DYNC2H1: variants seen among roughly 807,000 people sequenced by gnomAD.
The protein encoded by DYNC2H1 is dynein cytoplasmic 2 heavy chain 1.
A neutral mutation model predicts 570.0 loss-of-function variants in DYNC2H1; 410 were observed. The observed-to-expected ratio is 0.72, with a 90% confidence interval of 0.66 to 0.78. DYNC2H1 has a LOEUF of 0.78. DYNC2H1 is among the 30% of genes least tolerant of loss of function. The pLI, the probability that DYNC2H1 is intolerant of heterozygous loss-of-function variation, is 0.00. For missense variants in DYNC2H1, 4,865 were observed against 5,046.4 expected, an observed-to-expected ratio of 0.96 and a Z score of 1.09; for synonymous variants, 1,688 against 1,677.6, an observed-to-expected ratio of 1.01 and a Z score of -0.15.
chr11:103,187,736 C>T (rs150519531), intron 43 of DYNC2H1, 150 bp downstream of exon 43: 6 of 1,015,746 alleles, frequency 5.9e-6, no homozygotes, highest in Admixed American at 2.9e-5. Context: ...CAGTCTTGTT[C>T]CAGTTCTTCT....
At chr11:103,287,100 C>T (rs370812552) in intron 74 of DYNC2H1, among the ~76,000 whole-genome samples, 88 of 152,192 alleles carry the variant, frequency 5.8e-4, no homozygotes, top group African/African-American at 2.0e-3. Context: ...TGTGATTGCA[C>T]CACTGCACTC....
At chr11:103,126,208 T>C (rs984725494) in intron 12 of DYNC2H1, among the ~76,000 whole-genome samples, 1 of 152,224 alleles carries the variant, frequency 6.6e-6, no homozygotes, top group Non-Finnish European at 1.5e-5. Context: ...AGTACTATCA[T>C]AGTCAGGCAC....
Position 103,228,332 on chromosome 11 carries a change from T to C in DYNC2H1, c.9354-2928T>C, listed in dbSNP as rs1863876094. On this transcript the variant is annotated intron_variant, in intron 59 of 88. Coordinates refer to ENST00000375735, the MANE Select transcript of DYNC2H1 (RefSeq NM_001377.3). This position sits in a 1 kb window ranked among gnomAD's most constrained non-coding sequence, Gnocchi z 6.1. Reference sequence around the variant, plus strand: ...TGGGTAGACTATGTCAGAGGGAAGATCTGGGATTCAAGTGCAGCTGATCAG... The same window carrying C: ...TGGGTAGACTATGTCAGAGGGAAGACCTGGGATTCAAGTGCAGCTGATCAG... 1.3e-5 allele frequency among the ~76,000 whole-genome samples: 2 copies of C among 152,170 alleles called. No homozygotes were observed. The highest frequency in any genetic ancestry group is 6.5e-5 in the Admixed American group (1 of 15,270).
chr11:103,401,244 A>G (rs1942628804), intron 84 of DYNC2H1, among the ~76,000 whole-genome samples: 1 of 152,208 alleles, frequency 6.6e-6, no homozygotes, highest in South Asian at 2.1e-4. Context: ...TGTTGTCATA[A>G]TAAATGTAAA....
At chr11:103,396,603 A>G (rs1942406165) in intron 83 of DYNC2H1, among the ~76,000 whole-genome samples, 1 of 152,206 alleles carries the variant, frequency 6.6e-6, no homozygotes, top group Non-Finnish European at 1.5e-5. Flanking sequence ...TGTGTCATCC[A>G]TTCACTTAGG....
chr11:103,188,442 C>A, intron 43 of DYNC2H1, 55 bp from the exon 44 acceptor site: 1 of 1,360,508 alleles, frequency 7.4e-7, no homozygotes. Context: ...TATCCTTTAT[C>A]ATGATTAGGA....
At position 103,241,505 on chromosome 11, in the gene DYNC2H1, T is replaced by C. The variant is rs746074078; in HGVS notation, c.9820-2188T>C. 8.2e-6 allele frequency: 13 copies of C among 1,591,940 alleles called. No homozygotes were observed. The highest frequency in any genetic ancestry group is 1.1e-5 in the Non-Finnish European group (13 of 1,163,588). On this transcript the variant is annotated intron_variant, in intron 63 of 88. Transcript: ENST00000375735. This position sits in a 1 kb window ranked among gnomAD's most constrained non-coding sequence, Gnocchi z 5.1. Reference sequence around the variant, plus strand: ...AAACATTTTGAAATGTTACCTTTCTTCTTTTCATTTAACTGCATCAGATCA... The same window carrying C: ...AAACATTTTGAAATGTTACCTTTCTCCTTTTCATTTAACTGCATCAGATCA...
At chr11:103,267,427 A>G (rs550091842) in intron 70 of DYNC2H1, among the ~76,000 whole-genome samples, 1 of 151,212 alleles carries the variant, frequency 6.6e-6, no homozygotes, top group African/African-American at 2.4e-5. Context: ...CTATAATCCA[A>G]ACCTCACTTT....
intron 82 of DYNC2H1, among the ~76,000 whole-genome samples, chr11:103,328,363 C>G (rs1418894205): frequency 2.0e-5 from 3 of 152,092 alleles, no homozygotes; most frequent in Non-Finnish European, 2.9e-5. Flanking sequence ...GTATATGCAA[C>G]TGAACTAATA....
At chr11:103,132,059 G>T (rs144794224) in intron 13 of DYNC2H1, among the ~76,000 whole-genome samples, 1 of 152,042 alleles carries the variant, frequency 6.6e-6, no homozygotes, top group African/African-American at 2.4e-5. Context: ...CTTTTAGGAA[G>T]CATGTATATA....
chr11:103,320,919 G>T, intron 80 of DYNC2H1, 110 bp from the exon 81 acceptor site: 1 of 820,354 alleles, frequency 1.2e-6, no homozygotes, highest in South Asian at 2.0e-5. Context: ...TTGAATAAAT[G>T]ATTTAGTTGT....
chr11:103,304,633 A>G lies in DYNC2H1; in HGVS notation c.11295A>G (p.Gln3765=), dbSNP rs777235658. The part of the protein sequence containing the change: ...MGQGQADLAI[Q]MLKECARNGD... ...AAGGTCAAGCTGATTTAGCAATTCA[A>G]ATGCTAAAAGAATGTGCCCGCAATG... The change falls in exon 77 of 89, where the codon CAA becomes CAG. Residue 3765 remains glutamine (Q), a synonymous_variant. Transcript: ENST00000375735. 4.3e-6 allele frequency: 7 copies of G among 1,613,352 alleles called. No homozygotes were observed. The Admixed American group carries it at 5.0e-5, about 12-fold the overall frequency.
At chr11:103,467,491 T>C (rs1798596735) in intron 87 of DYNC2H1, among the ~76,000 whole-genome samples, 1 of 151,220 alleles carries the variant, frequency 6.6e-6, no homozygotes, top group African/African-American at 2.4e-5. Flanking sequence ...TCATTTAGTA[T>C]GTTAAAATTT....
chr11:103,288,084 G>C (rs371914161), intron 75 of DYNC2H1, among the ~76,000 whole-genome samples: 1 of 152,034 alleles, frequency 6.6e-6, no homozygotes, highest in Non-Finnish European at 1.5e-5. Context: ...TGGGATCACA[G>C]AAATGGTTAG....
chr11:103,185,877 G>A lies in DYNC2H1; in HGVS notation c.6634-365G>A, dbSNP rs1350262560. ...ATAACAGGTGGAGAGCAGTGGTAGT[G>A]ACACTGTGATGGACAGTACCAGGAT... On this transcript the variant is annotated intron_variant, in intron 41 of 88. Coordinates refer to ENST00000375735, the MANE Select transcript of DYNC2H1 (RefSeq NM_001377.3). The surrounding 1 kb of genome is among the most constrained non-coding windows in gnomAD (Gnocchi z 4.5). Among the ~76,000 whole-genome samples the A allele has an allele frequency of 6.6e-6, 1 of 151,960 alleles. No homozygotes were observed. The highest frequency in any genetic ancestry group is 1.5e-5 in the Non-Finnish European group (1 of 67,940).
Position 103,200,117 on chromosome 11 carries a change from T to C in DYNC2H1, c.8160T>C (p.Pro2720=), listed in dbSNP as rs1862658418. The change falls in exon 50 of 89, where the codon CCT becomes CCC. Residue 2720 remains proline, a synonymous_variant. Transcript: ENST00000375735. ...LLLEDYQFVH[P]TFLEMINSLL... Reference sequence around the variant, plus strand: ...TTGAGGATTACCAGTTTGTACATCCTACATTTTTGGAGATGATCAATAGCC... The same window carrying C: ...TTGAGGATTACCAGTTTGTACATCCCACATTTTTGGAGATGATCAATAGCC... 1 of 1,585,112 alleles carries C rather than the reference T, an allele frequency of 6.3e-7. No homozygotes were observed. Among genetic ancestry groups the C allele is most frequent in the Admixed American group, 1.8e-5 (1 of 56,958 alleles).
At chr11:103,314,923 A>C (rs536875693) in intron 79 of DYNC2H1, among the ~76,000 whole-genome samples, 1 of 152,238 alleles carries the variant, frequency 6.6e-6, no homozygotes, top group African/African-American at 2.4e-5. Flanking sequence ...ACGGTCTAAC[A>C]GAATGATATA....
chr11:103,228,023 C>T lies in DYNC2H1; in HGVS notation c.9354-3237C>T, dbSNP rs1297909473. The stretch of plus-strand genomic sequence containing the variant: ...GCTACTCTTGCTTACTTTTGGTGTC[C>T]ATTTGCATGGAATATGTTTTTCCAC... On this transcript the variant is annotated intron_variant, in intron 59 of 88. Coordinates refer to ENST00000375735, the MANE Select transcript of DYNC2H1 (RefSeq NM_001377.3). The surrounding 1 kb of genome is among the most constrained non-coding windows in gnomAD (Gnocchi z 6.1). Among the ~76,000 whole-genome samples, 2 of 152,048 alleles carry T rather than the reference C, an allele frequency of 1.3e-5. No individual in the cohort carries two copies. The highest frequency in any genetic ancestry group is 2.9e-5 in the Non-Finnish European group (2 of 68,016).
At chr11:103,142,848 T>C (rs555643040) in intron 17 of DYNC2H1, among the ~76,000 whole-genome samples, 53 of 152,338 alleles carry the variant, frequency 3.5e-4, no homozygotes, top group African/African-American at 1.3e-3. Context: ...TCATTTGTAT[T>C]GATGCTGAGA....
Sources: allele counts gnomAD v4.1 joint callset (sites outside exome capture counted in the v4.1 genomes callset), GRCh38; gene constraint gnomAD v4.1.1; non-coding constraint Gnocchi (gnomAD v3.1); transcripts MANE v1.5; gene names NCBI Gene and HGNC (gene_info 2026-07-23, HGNC 2026-07-21).